FUT8: variants seen among roughly 807,000 people sequenced by gnomAD.
The protein encoded by FUT8 is fucosyltransferase 8, also known as alpha-(1,6)-fucosyltransferase.
FUT8 carries 29 observed loss-of-function variants against 71.3 expected under a neutral mutation model. The ratio of observed to expected loss-of-function variants is 0.41; its 90% CI spans 0.30 to 0.55. FUT8 has a LOEUF of 0.55. FUT8 is among the 20% of genes least tolerant of loss of function. The pLI is 0.34. For synonymous variants in FUT8, 254 were observed against 239.3 expected (o/e 1.06, Z -0.57); for missense variants, 544 against 702.1 (o/e 0.77, Z 2.55).
chr14:65,545,602 C>T (rs774364475), intron 2 of FUT8, among the ~76,000 whole-genome samples: 3 of 151,742 alleles, frequency 2.0e-5, no homozygotes, highest in Non-Finnish European at 3.0e-5. Context: ...TGAATTACTT[C>T]AAGAAACACT....
chr14:65,535,087 AT>A (rs1043710448), intron 2 of FUT8, among the ~76,000 whole-genome samples: 2 of 149,702 alleles, frequency 1.3e-5, no homozygotes, highest in African/African-American at 4.9e-5. Flanking sequence ...TTTTAATTTT[AT>A]TTTTTATTTT....
At chr14:65,535,450 A>C (rs896558370) in intron 2 of FUT8, among the ~76,000 whole-genome samples, 4 of 152,142 alleles carry the variant, frequency 2.6e-5, no homozygotes. Flanking sequence ...TTCTCCCATA[A>C]CACTGCCTTA....
chr14:65,608,797 G>T lies in FUT8; in HGVS notation c.204-7181G>T, dbSNP rs1027363272. On this transcript the variant is annotated intron_variant, in intron 3 of 10. Transcript: ENST00000673929. ...CAGGCCAGCCTATATAGCTATTGCT[G>T]CAGCTGCACAGTCCAGCTTTCTTGG... Among the ~76,000 whole-genome samples the T allele has an allele frequency of 3.9e-5, 6 of 152,026 alleles. No homozygotes were observed. The East Asian group carries it at 1.2e-3, about 29-fold the overall frequency.
intron 6 of FUT8, among the ~76,000 whole-genome samples, chr14:65,661,277 C>T (rs1409085307): frequency 6.6e-6 from 1 of 151,910 alleles, no homozygotes; most frequent in Non-Finnish European, 1.5e-5. Flanking sequence ...ATGGTGAAAT[C>T]GATAAGGGCA....
At chr14:65,596,601 G>A (rs1887992407) in intron 3 of FUT8, among the ~76,000 whole-genome samples, 1 of 152,176 alleles carries the variant, frequency 6.6e-6, no homozygotes, top group South Asian at 2.1e-4. Context: ...AGAATAGTTA[G>A]GGGAGTTACT....
At chr14:65,702,345 CAAA>C (rs71989314) in intron 7 of FUT8, among the ~76,000 whole-genome samples, 5 of 134,944 alleles carry the variant, frequency 3.7e-5, no homozygotes, top group Admixed American at 7.5e-5. Context: ...AACTCCATCT[CAAA>C]AAAAAAAAAA....
At chr14:65,530,222 G>GT (rs1184010717) in intron 2 of FUT8, among the ~76,000 whole-genome samples, 1 of 152,026 alleles carries the variant, frequency 6.6e-6, no homozygotes, top group Non-Finnish European at 1.5e-5. Flanking sequence ...TTCTATTAGG[G>GT]TTTCACCTCC....
chr14:65,621,224 A>G (rs1168459630), intron 5 of FUT8, among the ~76,000 whole-genome samples: 1 of 152,124 alleles, frequency 6.6e-6, no homozygotes, highest in African/African-American at 2.4e-5. Flanking sequence ...TAGTCCTACA[A>G]GGTATGCATT....
intron 2 of FUT8, among the ~76,000 whole-genome samples, chr14:65,529,764 A>T (rs901120181): frequency 1.3e-5 from 2 of 151,900 alleles, no homozygotes; most frequent in Admixed American, 6.6e-5. Context: ...TTCTTTTTTC[A>T]TCTTTTGTTT....
intron 7 of FUT8, among the ~76,000 whole-genome samples, chr14:65,711,335 A>G (rs887025424): frequency 6.6e-6 from 1 of 152,218 alleles, no homozygotes; most frequent in African/African-American, 2.4e-5. Context: ...ACACTTTCAT[A>G]TAAGTAAAAT....
At chr14:65,540,186 A>G (rs1233256887) in intron 2 of FUT8, among the ~76,000 whole-genome samples, 2 of 152,228 alleles carry the variant, frequency 1.3e-5, no homozygotes, top group Admixed American at 1.3e-4. Flanking sequence ...TGAAGCTGTC[A>G]GAAATAGATA....
the FUT8 span, among the ~76,000 whole-genome samples, chr14:65,359,878 T>C: frequency 9.2e-5 from 14 of 152,146 alleles, no homozygotes; most frequent in East Asian, 2.3e-3. Flanking sequence ...CAGGCTGGAG[T>C]GCAGTGGCAT....
rs1303509071 is a variant in FUT8, at chr14:65,607,807, T to C, written c.204-8171T>C. Among the ~76,000 whole-genome samples the C allele has an allele frequency of 6.6e-6, 1 of 151,854 alleles. No individual in the cohort carries two copies. Among genetic ancestry groups the C allele is most frequent in the African/African-American group, 2.4e-5 (1 of 41,376 alleles). ...GGCCAGGCACGGTAGCTCATGCCTG[T>C]AATCCCAGCACTTTGGGAGGCTGAA... is the stretch of plus-strand genomic sequence containing the variant. On this transcript the variant is annotated intron_variant, in intron 3 of 10. Transcript: ENST00000673929. The surrounding 1 kb of genome is among the most constrained non-coding windows in gnomAD (Gnocchi z 4.1).
chr14:65,537,441 G>T (rs1473422910), intron 2 of FUT8, among the ~76,000 whole-genome samples: 1 of 152,058 alleles, frequency 6.6e-6, no homozygotes, highest in East Asian at 1.9e-4. Context: ...AGGATGGAGT[G>T]CAGTGGCGTG....
chr14:65,417,529 G>A (rs141577060), intron 1 of FUT8, among the ~76,000 whole-genome samples: 3 of 152,190 alleles, frequency 2.0e-5, no homozygotes, highest in African/African-American at 7.2e-5. Flanking sequence ...GAATTATGCC[G>A]TATTTGTCAA....
In FUT8 at chr14:65,428,461, C is replaced by T. The variant is rs79455514; in HGVS notation, c.-326+15247C>T. On this transcript the variant is annotated intron_variant, in intron 1 of 10. Transcript: ENST00000673929. Reference sequence around the variant, plus strand: ...CCCCACTTTCTGCCATCACCAGACACCAAACCTTGATCTTGCACTTCCTAG... The same window carrying T: ...CCCCACTTTCTGCCATCACCAGACATCAAACCTTGATCTTGCACTTCCTAG... Among the ~76,000 whole-genome samples the T allele has an allele frequency of 6.4e-4, 98 of 152,272 alleles. No homozygotes were observed. The East Asian group carries it at 0.014, about 22-fold the overall frequency.
At chr14:65,700,381 GTTTTTTT>G (rs763718984) in intron 7 of FUT8, among the ~76,000 whole-genome samples, 10 of 48,882 alleles carry the variant, frequency 2.0e-4, no homozygotes, top group African/African-American at 4.2e-4. Flanking sequence ...CTTTCTTTCT[GTTTTTTT>G]TTTTTTTTTT....
At chr14:65,509,269 A>G (rs1023720759) in intron 2 of FUT8, among the ~76,000 whole-genome samples, 2 of 151,616 alleles carry the variant, frequency 1.3e-5, no homozygotes, top group African/African-American at 2.4e-5. Context: ...TCTCGGTTCT[A>G]TTGTTCTGTG....
At chr14:65,613,166 T>G (rs996763029) in intron 3 of FUT8, among the ~76,000 whole-genome samples, 4 of 152,216 alleles carry the variant, frequency 2.6e-5, no homozygotes, top group Non-Finnish European at 5.9e-5. Flanking sequence ...ACATGCTATT[T>G]TTTTCATGGC....
Sources: allele counts gnomAD v4.1 joint callset (sites outside exome capture counted in the v4.1 genomes callset), GRCh38; gene constraint gnomAD v4.1.1; non-coding constraint Gnocchi (gnomAD v3.1); transcripts MANE v1.5; gene names NCBI Gene and HGNC (gene_info 2026-07-23, HGNC 2026-07-21).